The following CAST variants were observed in gnomAD, a reference collection of about 807,000 sequenced individuals.
CAST encodes MIR583 host.
In CAST, 76 loss-of-function variants were observed where a neutral mutation model predicts 119.6. The ratio of observed to expected loss-of-function variants is 0.64; its 90% CI spans 0.53 to 0.77. The LOEUF (loss-of-function observed/expected upper bound fraction) is 0.77, where lower values mean the gene tolerates loss of function less well. Ranked by LOEUF, CAST falls within the 30% of genes least tolerant of loss-of-function variation. CAST has a pLI of 0.00. For synonymous variants in CAST, 319 were observed against 331.6 expected, an observed-to-expected ratio of 0.96 and a Z score of 0.41; for missense variants, 953 against 946.5, an observed-to-expected ratio of 1.01 and a Z score of -0.09.
At chr5:96,491,317 C>T in the CAST span, among the ~76,000 whole-genome samples, 2 of 103,692 alleles carry the variant, frequency 1.9e-5, no homozygotes, top group Admixed American at 2.1e-4. Context: ...AACCCCATCT[C>T]TACTAAAAAA....
At chr5:96,154,974 G>A in the CAST span, among the ~76,000 whole-genome samples, 1 of 152,142 alleles carries the variant, frequency 6.6e-6, no homozygotes, top group Non-Finnish European at 1.5e-5. Flanking sequence ...TTAAGCAGTG[G>A]GGAGCTATTT....
At chr5:96,357,173 A>G in the CAST span, among the ~76,000 whole-genome samples, 2 of 152,078 alleles carry the variant, frequency 1.3e-5, no homozygotes, top group South Asian at 2.1e-4. Flanking sequence ...ATTTTTGCAT[A>G]TTGATTTTGT....
At chr5:96,617,039 C>A (rs1437580589) in intron 1 of CAST, among the ~76,000 whole-genome samples, 1 of 152,128 alleles carries the variant, frequency 6.6e-6, no homozygotes, top group Non-Finnish European at 1.5e-5. Context: ...ACATCAAGGC[C>A]ATTGCTTGAA....
At chr5:96,380,287 A>C in the CAST span, among the ~76,000 whole-genome samples, 1 of 152,220 alleles carries the variant, frequency 6.6e-6, no homozygotes, top group Non-Finnish European at 1.5e-5. Context: ...TTTTTAAAAA[A>C]TTCCAGATGC....
chr5:96,164,678 A>C, the CAST span, among the ~76,000 whole-genome samples: 1 of 152,262 alleles, frequency 6.6e-6, no homozygotes, highest in African/African-American at 2.4e-5. Flanking sequence ...AGTGAGGTTC[A>C]TGAGCAACCA....
At chr5:96,128,643 A>C in the CAST span, among the ~76,000 whole-genome samples, 7 of 152,246 alleles carry the variant, frequency 4.6e-5, no homozygotes, top group East Asian at 1.4e-3. Context: ...CGACTTCAGT[A>C]GTTGTTTTCT....
chr5:96,095,865 T>G, the CAST span, among the ~76,000 whole-genome samples: 1 of 152,274 alleles, frequency 6.6e-6, no homozygotes, highest in South Asian at 2.1e-4. Flanking sequence ...TATTATTAAT[T>G]CTAGTGTTTA....
chr5:96,755,494 A>T (rs911392972), intron 22 of CAST, among the ~76,000 whole-genome samples: 3 of 152,252 alleles, frequency 2.0e-5, no homozygotes, highest in Non-Finnish European at 4.4e-5. Context: ...TTGAAAGTAC[A>T]GATTGTACAC....
the CAST span, among the ~76,000 whole-genome samples, chr5:95,991,492 GTTTTGTTTTTTT>G: frequency 1.6e-5 from 2 of 123,316 alleles, no homozygotes; most frequent in East Asian, 2.7e-4. Flanking sequence ...TTAACAACAA[GTTTTGTTTTTTT>G]TTTTTTTTTT....
chr5:96,138,942 T>G, the CAST span, among the ~76,000 whole-genome samples: 1 of 151,994 alleles, frequency 6.6e-6, no homozygotes, highest in Non-Finnish European at 1.5e-5. Context: ...TTGCACAAAC[T>G]AGGACTTCTG....
chr5:96,169,880 G>A, the CAST span, among the ~76,000 whole-genome samples: 5 of 152,174 alleles, frequency 3.3e-5, no homozygotes, highest in African/African-American at 1.2e-4. Context: ...AGCTGGGCAG[G>A]TGGGGATAAT....
the CAST span, among the ~76,000 whole-genome samples, chr5:96,058,367 CTT>C: frequency 6.6e-6 from 1 of 152,158 alleles, no homozygotes; most frequent in African/African-American, 2.4e-5. Context: ...ACAGCTGAAT[CTT>C]TTGTGTTTGT....
chr5:96,550,007 T>A (rs562809458), intron 1 of CAST, among the ~76,000 whole-genome samples: 1 of 152,334 alleles, frequency 6.6e-6, no homozygotes, highest in East Asian at 1.9e-4. Context: ...AGCAGACAAC[T>A]TCTCCAGACT....
the CAST span, among the ~76,000 whole-genome samples, chr5:96,326,396 T>C: frequency 0.88 from 134,430 of 152,232 alleles, 59,553 homozygotes; most frequent in Non-Finnish European, 0.92. Context: ...CAGGTCCCCA[T>C]TACATGTGTT....
the CAST span, among the ~76,000 whole-genome samples, chr5:96,416,361 G>A: frequency 6.6e-6 from 1 of 152,132 alleles, no homozygotes; most frequent in Non-Finnish European, 1.5e-5. Context: ...TGTGACCTTG[G>A]GTAAGTTACT....
At chr5:96,431,111 C>T in the CAST span, among the ~76,000 whole-genome samples, 1 of 152,142 alleles carries the variant, frequency 6.6e-6, no homozygotes, top group Non-Finnish European at 1.5e-5. Flanking sequence ...AGTGTCCACC[C>T]CCATAGGTCA....
intron 3 of CAST, among the ~76,000 whole-genome samples, chr5:96,704,390 G>A (rs1280400127): frequency 2.0e-5 from 3 of 152,142 alleles, no homozygotes; most frequent in South Asian, 4.1e-4. Flanking sequence ...AAGCTAGTAC[G>A]TAAAGTAACA....
At chr5:96,652,530 A>C (rs1748107490) in intron 1 of CAST, among the ~76,000 whole-genome samples, 1 of 152,208 alleles carries the variant, frequency 6.6e-6, no homozygotes, top group Non-Finnish European at 1.5e-5. Flanking sequence ...ATCAGCTCAC[A>C]GCACACCTAC....
the CAST span, among the ~76,000 whole-genome samples, chr5:96,105,684 G>A: frequency 6.6e-6 from 1 of 152,170 alleles, no homozygotes; most frequent in Non-Finnish European, 1.5e-5. Context: ...AAGGATATTG[G>A]TGTAAAATTC....
Sources: allele counts gnomAD v4.1 joint callset (sites outside exome capture counted in the v4.1 genomes callset), GRCh38; gene constraint gnomAD v4.1.1; transcripts MANE v1.5; gene names NCBI Gene and HGNC (gene_info 2026-07-23, HGNC 2026-07-21).